PLXDC2: variants seen among roughly 807,000 people sequenced by gnomAD.
PLXDC2 encodes the protein plexin domain-containing protein 2.
In PLXDC2, 40 loss-of-function variants were observed where a neutral mutation model predicts 68.9. That is an observed-to-expected ratio of 0.58 (90% CI 0.45 to 0.76). PLXDC2 has a LOEUF of 0.76. Among genes scored for constraint, PLXDC2 ranks in the 30% least tolerant of loss-of-function variants. The pLI is 0.00. For synonymous variants in PLXDC2, 243 were observed against 234.2 expected (o/e 1.04, Z -0.34); for missense variants, 644 against 661.9 (o/e 0.97, Z 0.30).
intron 1 of PLXDC2, among the ~76,000 whole-genome samples, chr10:19,917,724 G>A (rs762896173): frequency 6.6e-6 from 1 of 152,204 alleles, no homozygotes; most frequent in Admixed American, 6.5e-5. Context: ...TCCATGATAT[G>A]TGTCAATAGC....
chr10:20,092,068 C>G (rs1328164852), intron 4 of PLXDC2, among the ~76,000 whole-genome samples: 2 of 149,800 alleles, frequency 1.3e-5, no homozygotes, highest in Non-Finnish European at 3.0e-5. Flanking sequence ...ATTTTACTAC[C>G]TATTATATCC....
In PLXDC2 at chr10:19,871,370, A is replaced by G. The variant is rs11011651; in HGVS notation, c.112+54179A>G. 3.1e-3 allele frequency among the ~76,000 whole-genome samples: 479 copies of G among 152,348 alleles called. 5 individuals are homozygous for G. In the East Asian group the frequency reaches 0.033, roughly 10 times the overall value. On this transcript the variant is annotated intron_variant, in intron 1 of 13. Coordinates refer to ENST00000377252, the MANE Select transcript of PLXDC2 (RefSeq NM_032812.9). ...AGATAAATAAAAGAGCTGTCAAAAC[A>G]TAGAAGACAGACCATAGCATCATGT...
At chr10:19,995,045 T>A (rs10764182) in intron 1 of PLXDC2, among the ~76,000 whole-genome samples, 72,177 of 152,022 alleles carry the variant, frequency 0.47, 18,009 homozygotes, top group East Asian at 0.6. Flanking sequence ...GCCAGGCCTC[T>A]TTGAATTTTT....
chr10:19,943,578 A>G (rs1317932452), intron 1 of PLXDC2, among the ~76,000 whole-genome samples: 1 of 152,222 alleles, frequency 6.6e-6, no homozygotes, highest in Admixed American at 6.5e-5. Context: ...GAAGCACAAA[A>G]TTGCTGTGCG....
intron 7 of PLXDC2, among the ~76,000 whole-genome samples, chr10:20,173,048 T>C (rs913260575): frequency 2.6e-5 from 4 of 152,182 alleles, no homozygotes; most frequent in Non-Finnish European, 4.4e-5. Context: ...CACTTTTCTG[T>C]GGGAAGCTTG....
chr10:20,132,882 T>G (rs1006385451), intron 4 of PLXDC2, among the ~76,000 whole-genome samples: 9 of 152,150 alleles, frequency 5.9e-5, no homozygotes, highest in Admixed American at 3.3e-4. Context: ...TTTATTGTTT[T>G]CTATTTTATA....
chr10:19,840,410 CA>C (rs1313384903), intron 1 of PLXDC2, among the ~76,000 whole-genome samples: 1 of 151,948 alleles, frequency 6.6e-6, no homozygotes, highest in Non-Finnish European at 1.5e-5. Context: ...AAATATAACC[CA>C]GGAAGTTTAT....
intron 1 of PLXDC2, among the ~76,000 whole-genome samples, chr10:19,896,749 G>A (rs746865711): frequency 1.3e-5 from 2 of 152,098 alleles, no homozygotes; most frequent in Non-Finnish European, 2.9e-5. Context: ...AAATAAAATG[G>A]CATCAGGAAC....
At chr10:19,850,727 A>T (rs1404796677) in intron 1 of PLXDC2, among the ~76,000 whole-genome samples, 1 of 152,200 alleles carries the variant, frequency 6.6e-6, no homozygotes, top group African/African-American at 2.4e-5. Context: ...TTTAGGAAAG[A>T]CATGAATTTT....
chr10:19,991,707 T>C lies in PLXDC2; in HGVS notation c.113-10068T>C, dbSNP rs183524127. ...AAGTTATGACAATGTGGAATGAGAT[T>C]GAGTCTATCAGAGTCTATCAGACAT... On this transcript the variant is annotated intron_variant, in intron 1 of 13. Coordinates refer to ENST00000377252, the MANE Select transcript of PLXDC2 (RefSeq NM_032812.9). Among the ~76,000 whole-genome samples, 132 of 152,314 alleles carry C rather than the reference T, an allele frequency of 8.7e-4. 1 individual carries two copies. The highest frequency in any genetic ancestry group is 1.0e-4 in the Non-Finnish European group (7 of 68,034).
chr10:20,095,697 T>C (rs1833340840), intron 4 of PLXDC2, among the ~76,000 whole-genome samples: 1 of 152,168 alleles, frequency 6.6e-6, no homozygotes, highest in Non-Finnish European at 1.5e-5. Context: ...TTATCTTGTA[T>C]ATAGCCTGGT....
At chr10:20,265,738 A>C (rs1489358318) in intron 13 of PLXDC2, among the ~76,000 whole-genome samples, 1 of 152,194 alleles carries the variant, frequency 6.6e-6, no homozygotes, top group Non-Finnish European at 1.5e-5. Context: ...TCATGTTCCC[A>C]ATTCTAGAGT....
intron 2 of PLXDC2, among the ~76,000 whole-genome samples, chr10:20,031,478 A>C (rs1835500115): frequency 6.6e-6 from 1 of 152,144 alleles, no homozygotes; most frequent in Admixed American, 6.5e-5. Flanking sequence ...TCAGTTTTTG[A>C]TTCTTGAAAT....
At chr10:20,135,154 C>T (rs543303454) in intron 4 of PLXDC2, among the ~76,000 whole-genome samples, 2 of 152,306 alleles carry the variant, frequency 1.3e-5, no homozygotes, top group South Asian at 2.1e-4. Flanking sequence ...GTACTGGAAA[C>T]TCCTATTCTG....
At chr10:19,954,181 G>A (rs1834032730) in intron 1 of PLXDC2, among the ~76,000 whole-genome samples, 1 of 152,140 alleles carries the variant, frequency 6.6e-6, no homozygotes, top group South Asian at 2.1e-4. Context: ...CAATTTCTTT[G>A]TAGATAGTTG....
At chr10:20,061,671 T>A (rs1470140395) in intron 3 of PLXDC2, among the ~76,000 whole-genome samples, 1 of 152,246 alleles carries the variant, frequency 6.6e-6, no homozygotes, top group African/African-American at 2.4e-5. Flanking sequence ...TCACTCTTGC[T>A]AACTACAGGC....
intron 7 of PLXDC2, among the ~76,000 whole-genome samples, chr10:20,171,213 T>C (rs755569961): frequency 6.6e-6 from 1 of 152,172 alleles, no homozygotes; most frequent in Non-Finnish European, 1.5e-5. Flanking sequence ...GTGCAAGCCC[T>C]TTCAGAGGAA....
chr10:19,847,906 C>T (rs540462572), intron 1 of PLXDC2, among the ~76,000 whole-genome samples: 45 of 152,272 alleles, frequency 3.0e-4, no homozygotes, highest in African/African-American at 1.0e-3. Flanking sequence ...GTGTTTAACT[C>T]CTAAATCTGT....
At chr10:20,078,927 A>T (rs918673398) in intron 4 of PLXDC2, among the ~76,000 whole-genome samples, 13 of 152,204 alleles carry the variant, frequency 8.5e-5, no homozygotes, top group South Asian at 6.2e-4. Flanking sequence ...ATGAAAATAA[A>T]ATATAACAAT....
Sources: gnomAD v4.1 joint callset for allele counts (sites outside exome capture counted in the v4.1 genomes callset) on GRCh38, gnomAD v4.1.1 for gene constraint, MANE v1.5 for transcripts, NCBI Gene and HGNC (gene_info 2026-07-23, HGNC 2026-07-21) for gene names.